The following GRM3 variants were observed in gnomAD, a reference collection of about 807,000 sequenced individuals.
GRM3 encodes glutamate metabotropic receptor 3.
In GRM3, 26 loss-of-function variants were observed where a neutral mutation model predicts 70.5. That is an observed-to-expected ratio of 0.37 (90% confidence interval 0.27 to 0.51). The LOEUF is 0.51. GRM3 is among the 20% of genes least tolerant of loss of function. The pLI is 0.93. For missense variants in GRM3, 859 were observed against 1,123.8 expected, an observed-to-expected ratio of 0.76 and a Z score of 3.37; for synonymous variants, 443 against 434.9, an observed-to-expected ratio of 1.02 and a Z score of -0.23.
At chr7:86,770,758 C>T (rs1307546045) in intron 2 of GRM3, among the ~76,000 whole-genome samples, 1 of 152,078 alleles carries the variant, frequency 6.6e-6, no homozygotes, top group African/African-American at 2.4e-5. Context: ...AGTTGCAGAA[C>T]TTGGGAGTGT....
Position 86,808,064 on chromosome 7 carries a change from T to C in GRM3, c.1324+20948T>C, listed in dbSNP as rs1395460589. 1.1e-4 allele frequency among the ~76,000 whole-genome samples: 16 copies of C among 152,208 alleles called. 1 individual carries two copies. Among genetic ancestry groups the C allele is most frequent in the Admixed American group, 3.9e-4 (6 of 15,278 alleles). Reference sequence around the variant, plus strand: ...GATTACATTTATTGATTTGTGTATGTTGAACCAGCCTTGCATCCCAGGGAT... The same window carrying C: ...GATTACATTTATTGATTTGTGTATGCTGAACCAGCCTTGCATCCCAGGGAT... On this transcript the variant is annotated intron_variant, in intron 3 of 5. Coordinates refer to ENST00000361669, the MANE Select transcript of GRM3 (RefSeq NM_000840.3).
chr7:86,783,033 ATTTCTTTATGCTT>A (rs1797116026), intron 2 of GRM3, among the ~76,000 whole-genome samples: 1 of 152,008 alleles, frequency 6.6e-6, no homozygotes, highest in Admixed American at 6.6e-5. Context: ...GAGTTCCTTT[ATTTCTTTATGCTT>A]TCTCAGAGAA....
At chr7:86,854,321 T>C (rs988264545) in intron 5 of GRM3, among the ~76,000 whole-genome samples, 5 of 152,206 alleles carry the variant, frequency 3.3e-5, no homozygotes, top group African/African-American at 1.2e-4. Context: ...GCCAAGGTGG[T>C]TGATAGCAGA....
Position 86,864,246 on chromosome 7 carries a change from C to CT in GRM3, c.2567-35dup, listed in dbSNP as rs536102115. The CT allele has an allele frequency of 6.4e-4, 675 of 1,056,850 alleles. 1 individual carries two copies. The highest frequency in any genetic ancestry group is 2.7e-3 in the Admixed American group (162 of 59,266). 65.5% of individuals were successfully genotyped at this position (1,056,850 alleles called of 1,614,324 possible). On this transcript the variant is annotated intron_variant, in intron 5 of 5. Coordinates refer to ENST00000361669, the MANE Select transcript of GRM3 (RefSeq NM_000840.3). ...GCTATTACCTTTGTGTCCCACTTGA[C>CT]TAACTTTGAGTTTTCTGTCCCACTT...
intron 1 of GRM3, among the ~76,000 whole-genome samples, chr7:86,733,666 G>A (rs1795790340): frequency 6.6e-6 from 1 of 152,170 alleles, no homozygotes; most frequent in Non-Finnish European, 1.5e-5. Context: ...GGGAGTGTCA[G>A]GTTCTAACAG....
At chr7:86,860,041 C>A (rs1055704533) in intron 5 of GRM3, among the ~76,000 whole-genome samples, 5 of 152,172 alleles carry the variant, frequency 3.3e-5, no homozygotes, top group Admixed American at 1.3e-4. Flanking sequence ...CACACCTTAT[C>A]CTAGAGTATC....
intron 1 of GRM3, among the ~76,000 whole-genome samples, chr7:86,756,993 T>C (rs1796361813): frequency 6.6e-6 from 1 of 152,158 alleles, no homozygotes; most frequent in African/African-American, 2.4e-5. Flanking sequence ...ATCTTTATTT[T>C]AAATATTGTA....
At chr7:86,812,602 G>C (rs894737763) in intron 3 of GRM3, among the ~76,000 whole-genome samples, 1 of 151,710 alleles carries the variant, frequency 6.6e-6, no homozygotes, top group Non-Finnish European at 1.5e-5. Flanking sequence ...ATTAGAATCT[G>C]AACACAATTA....
chr7:86,765,057 G>T lies in GRM3; in HGVS notation c.-89G>T. ...TGTTCCTCCCTTATTTGAAGGACAG[G>T]CCAAAGATCCAGTTTGGAAATGAGA... On this transcript the variant is annotated 5_prime_UTR_variant, in exon 2 of 6. Transcript: ENST00000361669. 6.7e-7 allele frequency: 1 copy of T among 1,498,960 alleles called. No individual in the cohort carries two copies. The highest frequency in any genetic ancestry group is 8.8e-7 in the Non-Finnish European group (1 of 1,132,168). 92.9% of individuals were successfully genotyped at this position (1,498,960 alleles called of 1,614,324 possible).
intron 1 of GRM3, among the ~76,000 whole-genome samples, chr7:86,737,416 T>C (rs1795888529): frequency 6.6e-6 from 1 of 152,214 alleles, no homozygotes; most frequent in African/African-American, 2.4e-5. Flanking sequence ...TCCGATGCTA[T>C]GCTGTTTCTG....
intron 1 of GRM3, among the ~76,000 whole-genome samples, chr7:86,687,096 G>A (rs1426207226): frequency 5.3e-5 from 8 of 151,900 alleles, no homozygotes; most frequent in Admixed American, 5.3e-4. Flanking sequence ...TAGGAAAAAA[G>A]TCAGGGAAAT....
At chr7:86,844,999 C>A (rs1798629036) in intron 4 of GRM3, among the ~76,000 whole-genome samples, 1 of 152,072 alleles carries the variant, frequency 6.6e-6, no homozygotes, top group African/African-American at 2.4e-5. Context: ...AAGCGATTTT[C>A]CTGCCTCAGT....
In GRM3 at chr7:86,765,169, A is replaced by C. The variant is rs1481766776; in HGVS notation, c.24A>C (p.Gln8His). 6.3e-7 allele frequency: 1 copy of C among 1,588,310 alleles called. No individual in the cohort carries two copies. The highest frequency in any genetic ancestry group is 8.5e-7 in the Non-Finnish European group (1 of 1,170,434). Residue 8 changes from glutamine to histidine, a missense_variant, in exon 2 of 6, where the codon CAA (glutamine) becomes CAC (histidine). By Grantham distance (24) the Gln-to-His change is conservative (BLOSUM62 0). Transcript: ENST00000361669. MKMLTRL[Q>H]VLTLALFSKG... ...TCATGAAGATGTTGACAAGACTGCAAGTTCTTACCTTAGCTTTGTTTTCAA... is the reference window on the plus strand; with the variant it reads ...TCATGAAGATGTTGACAAGACTGCACGTTCTTACCTTAGCTTTGTTTTCAA...
chr7:86,837,292 C>A (rs1251728785), intron 3 of GRM3, among the ~76,000 whole-genome samples: 1 of 152,102 alleles, frequency 6.6e-6, no homozygotes, highest in Non-Finnish European at 1.5e-5. Context: ...TTGAAGGATC[C>A]TTTTAGCCCA....
At chr7:86,730,145 G>C (rs992366989) in intron 1 of GRM3, among the ~76,000 whole-genome samples, 1 of 151,520 alleles carries the variant, frequency 6.6e-6, no homozygotes, top group South Asian at 2.1e-4. Flanking sequence ...ACTCAGCCAG[G>C]CACAGTGGCT....
rs377543037 is a variant in GRM3, at chr7:86,720,119, TAAAATGGTAGAAAC to T, written c.-140-44884_-140-44871del. On this transcript the variant is annotated intron_variant, in intron 1 of 5. Transcript: ENST00000361669. ...AAGGAGAGATGATGGTGGTCTGGAC[TAAAATGGTAGAAAC>T]AAGGATAAGAAGATGATGATAAAGT... Among the ~76,000 whole-genome samples, 442 of 152,056 alleles carry T rather than the reference TAAAATGGTAGAAAC, an allele frequency of 2.9e-3. 2 individuals carry two copies. Among genetic ancestry groups the T allele is most frequent in the African/African-American group, 0.01 (428 of 41,518 alleles).
At chr7:86,675,785 T>C (rs1794290787) in intron 1 of GRM3, among the ~76,000 whole-genome samples, 1 of 152,134 alleles carries the variant, frequency 6.6e-6, no homozygotes, top group Non-Finnish European at 1.5e-5. Context: ...AAGCATTGCA[T>C]GTATTTTAAA....
intron 1 of GRM3, among the ~76,000 whole-genome samples, chr7:86,651,847 CA>C (rs1231216308): frequency 6.6e-6 from 1 of 152,142 alleles, no homozygotes; most frequent in Non-Finnish European, 1.5e-5. Flanking sequence ...CCCCAACACC[CA>C]AAATATATTT....
intron 1 of GRM3, among the ~76,000 whole-genome samples, chr7:86,709,301 C>T (rs1490267984): frequency 1.3e-5 from 2 of 152,170 alleles, no homozygotes; most frequent in South Asian, 2.1e-4. Flanking sequence ...CCACACTGCT[C>T]CATGGCTCTC....
Sources: gnomAD v4.1 joint callset for allele counts (sites outside exome capture counted in the v4.1 genomes callset) on GRCh38, gnomAD v4.1.1 for gene constraint, MANE v1.5 for transcripts, NCBI Gene and HGNC (gene_info 2026-07-23, HGNC 2026-07-21) for gene names.